TBC1D5: variants seen among roughly 807,000 people sequenced by gnomAD.
The protein encoded by TBC1D5 is TBC1 domain family member 5, also known as TBC1 domain family, member 5.
In TBC1D5, 75 loss-of-function variants were observed where a neutral mutation model predicts 100.3. That is an observed-to-expected ratio of 0.75 (90% CI 0.62 to 0.91). The LOEUF (loss-of-function observed/expected upper bound fraction) is 0.91, where lower values mean the gene tolerates loss of function less well. Ranked by LOEUF, TBC1D5 falls within the 40% of genes least tolerant of loss-of-function variation. The pLI, the probability that TBC1D5 is intolerant of heterozygous loss-of-function variation, is 0.00. For missense variants in TBC1D5, 910 were observed against 942.4 expected (o/e 0.97, Z 0.45); for synonymous variants, 323 against 325.6 (o/e 0.99, Z 0.09).
chr3:17,715,447 T>A (rs564263139), intron 1 of TBC1D5, among the ~76,000 whole-genome samples: 20 of 152,186 alleles, frequency 1.3e-4, no homozygotes, highest in Non-Finnish European at 2.1e-4. Flanking sequence ...AAAAATCATT[T>A]TGTCCATTTT....
At chr3:17,403,130 G>C in intron 8 of TBC1D5, 51 bp downstream of exon 8, 2 of 1,456,144 alleles carry the variant, frequency 1.4e-6, no homozygotes, top group South Asian at 2.6e-5. Flanking sequence ...ATTAGAAAGA[G>C]ATAACAACAA....
At chr3:17,177,027 T>G in intron 19 of TBC1D5, among the ~76,000 whole-genome samples, 1 of 152,060 alleles carries the variant, frequency 6.6e-6, no homozygotes, top group East Asian at 1.9e-4. Flanking sequence ...CATCCAGCAG[T>G]TAAAAGAGAC....
At chr3:17,583,479 A>T (rs777942340) in intron 2 of TBC1D5, among the ~76,000 whole-genome samples, 1 of 152,080 alleles carries the variant, frequency 6.6e-6, no homozygotes, top group Non-Finnish European at 1.5e-5. Flanking sequence ...TAATCCTAAC[A>T]CTTTGGGAAG....
intron 3 of TBC1D5, among the ~76,000 whole-genome samples, chr3:17,498,467 G>T (rs113620734): frequency 6.6e-6 from 1 of 152,096 alleles, no homozygotes; most frequent in Admixed American, 6.5e-5. Flanking sequence ...TCGGTGAGAC[G>T]TCTTTTAAGA....
At position 17,620,200 on chromosome 3, in the gene TBC1D5, T is replaced by C. The variant is rs975495723; in HGVS notation, c.-36+3649A>G. On this transcript the variant is annotated intron_variant, in intron 2 of 21. Transcript: ENST00000253692. ...GTCACCCAGATTGGAGTGTAATAGCTCACTGCAGCCTTGAACTCCTGGGCT... is the reference window on the plus strand; with the variant it reads ...GTCACCCAGATTGGAGTGTAATAGCCCACTGCAGCCTTGAACTCCTGGGCT... Among the ~76,000 whole-genome samples the C allele has an allele frequency of 2.6e-5, 4 of 152,170 alleles. No individual in the cohort carries two copies. In the East Asian group the frequency reaches 7.7e-4, roughly 29 times the overall value.
intron 13 of TBC1D5, among the ~76,000 whole-genome samples, chr3:17,366,397 A>G (rs553922546): frequency 6.6e-4 from 101 of 152,308 alleles, no homozygotes; most frequent in Non-Finnish European, 1.1e-3. Flanking sequence ...ATAATAAATT[A>G]TGAGTCATTA....
At chr3:17,508,257 A>G (rs1211334063) in intron 3 of TBC1D5, among the ~76,000 whole-genome samples, 1 of 152,204 alleles carries the variant, frequency 6.6e-6, no homozygotes, top group Admixed American at 6.5e-5. Context: ...CAGTGCGTTA[A>G]ACATTTGGCT....
At position 17,177,739 on chromosome 3, in the gene TBC1D5, T is replaced by C. The variant is rs145139908; in HGVS notation, c.1852+7370A>G. On this transcript the variant is annotated intron_variant, in intron 19 of 21. Coordinates refer to ENST00000253692, the Ensembl canonical transcript of TBC1D5. ...CCTATTGAGATGGCATCTTAAATTT[T>C]TTTTTTTATTTTTAAATTTTTGCAA... is the stretch of plus-strand genomic sequence containing the variant. Among the ~76,000 whole-genome samples the C allele has an allele frequency of 3.7e-3, 563 of 152,186 alleles. 4 individuals carry two copies. Among genetic ancestry groups the C allele is most frequent in the African/African-American group, 0.012 (512 of 41,560 alleles).
chr3:17,366,472 G>A (rs972787157), intron 13 of TBC1D5, among the ~76,000 whole-genome samples: 2 of 151,982 alleles, frequency 1.3e-5, no homozygotes, highest in Admixed American at 6.6e-5. Flanking sequence ...TGTATAAGGG[G>A]AAAAACTCCT....
intron 4 of TBC1D5, among the ~76,000 whole-genome samples, chr3:17,418,061 C>G (rs1409177415): frequency 1.3e-5 from 2 of 152,100 alleles, no homozygotes; most frequent in Non-Finnish European, 2.9e-5. Flanking sequence ...ATGTCTCTCT[C>G]AGAACATAAC....
intron 3 of TBC1D5, among the ~76,000 whole-genome samples, chr3:17,447,549 T>C (rs1478666618): frequency 6.6e-6 from 1 of 152,218 alleles, no homozygotes; most frequent in African/African-American, 2.4e-5. Flanking sequence ...TACAGAAAGC[T>C]AAAGCTCCCA....
At chr3:17,679,311 A>G (rs961307774) in intron 1 of TBC1D5, among the ~76,000 whole-genome samples, 1 of 151,516 alleles carries the variant, frequency 6.6e-6, no homozygotes, top group African/African-American at 2.5e-5. Context: ...GAAGTTACAG[A>G]GATGTTTTAT....
At chr3:17,242,460 T>C (rs568703004) in intron 16 of TBC1D5, among the ~76,000 whole-genome samples, 5 of 152,160 alleles carry the variant, frequency 3.3e-5, no homozygotes, top group Non-Finnish European at 5.9e-5. Flanking sequence ...TTTTTCTCTA[T>C]ATTCTAATTT....
intron 13 of TBC1D5, among the ~76,000 whole-genome samples, chr3:17,371,096 T>G (rs530906208): frequency 1.4e-5 from 2 of 145,656 alleles, no homozygotes; most frequent in Non-Finnish European, 3.0e-5. Flanking sequence ...CACACACACA[T>G]GCACACCCAC....
rs193121420 is a variant in TBC1D5, at chr3:17,277,240, G to T, written c.1245+14655C>A. Reference sequence around the variant, plus strand: ...TATTCATATTCTCAAAAGAAAATATGAAATTCTTCATATTTTCTCTCATGC... The same window carrying T: ...TATTCATATTCTCAAAAGAAAATATTAAATTCTTCATATTTTCTCTCATGC... On this transcript the variant is annotated intron_variant, in intron 15 of 21. Transcript: ENST00000253692. 3.0e-3 allele frequency among the ~76,000 whole-genome samples: 459 copies of T among 152,226 alleles called. 3 individuals carry two copies. Among genetic ancestry groups the T allele is most frequent in the African/African-American group, 0.011 (451 of 41,546 alleles).
At chr3:17,230,414 A>G (rs2075313015) in intron 17 of TBC1D5, among the ~76,000 whole-genome samples, 1 of 152,146 alleles carries the variant, frequency 6.6e-6, no homozygotes, top group African/African-American at 2.4e-5. Flanking sequence ...ATCATAAGAA[A>G]CTTAACAATG....
chr3:17,484,526 G>A (rs969232683), intron 3 of TBC1D5, among the ~76,000 whole-genome samples: 2 of 149,848 alleles, frequency 1.3e-5, no homozygotes, highest in African/African-American at 5.0e-5. Context: ...GCATCCTGAG[G>A]TGACTTTTAA....
intron 13 of TBC1D5, among the ~76,000 whole-genome samples, chr3:17,335,116 A>G (rs1383451515): frequency 6.6e-6 from 1 of 152,164 alleles, no homozygotes. Flanking sequence ...GAAAATGGCA[A>G]ATATTAATTT....
chr3:17,612,927 G>A (rs1434353147), intron 2 of TBC1D5, among the ~76,000 whole-genome samples: 26 of 147,584 alleles, frequency 1.8e-4, no homozygotes, highest in African/African-American at 6.5e-4. Flanking sequence ...GGGTACATGT[G>A]CACAACATGC....
Sources: gnomAD v4.1 joint callset for allele counts (sites outside exome capture counted in the v4.1 genomes callset) on GRCh38, gnomAD v4.1.1 for gene constraint, MANE v1.5 for transcripts, NCBI Gene and HGNC (gene_info 2026-07-23, HGNC 2026-07-21) for gene names.